Variants in NAA16 observed in about 807,000 individuals in gnomAD.
NAA16 encodes N-alpha-acetyltransferase 16, NatA auxiliary subunit, also known as NARG1-like protein.
Under a neutral mutation model 110.3 loss-of-function variants are expected in NAA16, and 97 were observed. That is an observed-to-expected ratio of 0.88 (90% CI 0.75 to 1.04). The LOEUF (loss-of-function observed/expected upper bound fraction) is 1.04. Among genes scored for constraint, NAA16 ranks in the 50% least tolerant of loss-of-function variants. The pLI is 0.00. For synonymous variants in NAA16, 372 were observed against 330.6 expected (o/e 1.13, Z -1.36); for missense variants, 1,017 against 1,005.1 (o/e 1.01, Z -0.16).
chr13:41,320,215 T>C (rs1355336562), intron 3 of NAA16, among the ~76,000 whole-genome samples: 1 of 152,198 alleles, frequency 6.6e-6, no homozygotes, highest in Non-Finnish European at 1.5e-5. Flanking sequence ...TACTTTAGAA[T>C]TGGTTGACTA....
chr13:41,331,492 AAC>A (rs2042237103), intron 8 of NAA16, 123 bp downstream of exon 8: 1 of 601,438 alleles, frequency 1.7e-6, no homozygotes, highest in Admixed American at 3.0e-5. Context: ...GTTGGGAGTG[AAC>A]AGTTATGAGT....
intron 9 of NAA16, among the ~76,000 whole-genome samples, chr13:41,340,747 G>T (rs1158317704): frequency 7.4e-6 from 1 of 135,390 alleles, no homozygotes; most frequent in Non-Finnish European, 1.5e-5. Context: ...TGCGATCTCG[G>T]CTCACTGCAA....
chr13:41,329,458 A>G (rs1265031475), intron 7 of NAA16, among the ~76,000 whole-genome samples: 1 of 151,624 alleles, frequency 6.6e-6, no homozygotes, highest in East Asian at 1.9e-4. Flanking sequence ...GAATAAATAT[A>G]TTCCTGAAAT....
intron 9 of NAA16, among the ~76,000 whole-genome samples, chr13:41,352,127 C>T (rs9525477): frequency 0.62 from 94,129 of 151,982 alleles, 32,256 homozygotes; most frequent in South Asian, 0.76. Flanking sequence ...AGATCGCTTG[C>T]GCTCAGGAGT....
intron 10 of NAA16, 81 bp downstream of exon 10, chr13:41,355,297 G>A (rs1566286045): frequency 9.5e-6 from 8 of 839,730 alleles, no homozygotes; most frequent in Non-Finnish European, 1.5e-5. Context: ...TGTATATTAT[G>A]TGTGTGCTAC....
Position 41,320,689 on chromosome 13 carries a change from G to A in NAA16, c.267G>A (p.Leu89=). Reference sequence around the variant, plus strand: ...TAGGTTGGCATGTATATGGACTCTTGCAGCGTTCTGATAAAAAATATGATG... The same window carrying A: ...TAGGTTGGCATGTATATGGACTCTTACAGCGTTCTGATAAAAAATATGATG... The part of the protein sequence containing the change: ...SHVCWHVYGL[L]QRSDKKYDEA... The change falls in exon 4 of 20, where the codon TTG becomes TTA. Residue 89 remains leucine, a synonymous_variant. Transcript: ENST00000379406. 1 of 1,611,258 alleles carries A rather than the reference G, an allele frequency of 6.2e-7. No individual in the cohort carries two copies. Among genetic ancestry groups the A allele is most frequent in the Non-Finnish European group, 8.5e-7 (1 of 1,179,420 alleles).
At chr13:41,323,626 AC>A (rs1165316156) in intron 5 of NAA16, among the ~76,000 whole-genome samples, 4 of 151,532 alleles carry the variant, frequency 2.6e-5, no homozygotes, top group Admixed American at 6.6e-5. Flanking sequence ...TGCTGGGATT[AC>A]AGGCGTGAGC....
rs2043434776 is a variant in NAA16 at position 41,376,868 on chromosome 13, CTTTA to C, written c.*1269_*1272del. The C allele has an allele frequency of 6.6e-6, 1 of 151,970 alleles. No homozygotes were observed. The highest frequency in any genetic ancestry group is 1.5e-5 in the Non-Finnish European group (1 of 68,006). The allele number at this position is 151,970 out of a possible 1,614,324, so 9.4% of individuals were successfully genotyped here. A position where few individuals can be genotyped will look rare whatever the true frequency, so the allele number is the denominator to read the frequency against. On this transcript the variant is annotated 3_prime_UTR_variant, in exon 20 of 20. Transcript: ENST00000379406. ...ATATGTCTGTAATATTAATGCTTCCCTTTATTAAGACAAATATACATTCAAAAAG... is the reference window on the plus strand; with the variant it reads ...ATATGTCTGTAATATTAATGCTTCCCTTAAGACAAATATACATTCAAAAAG...
chr13:41,347,596 T>C (rs2042720521), intron 9 of NAA16, among the ~76,000 whole-genome samples: 1 of 152,166 alleles, frequency 6.6e-6, no homozygotes, highest in Admixed American at 6.5e-5. Flanking sequence ...TGCCATTCTT[T>C]TTGATGGTAG....
intron 9 of NAA16, among the ~76,000 whole-genome samples, chr13:41,342,074 C>T (rs529858899): frequency 6.0e-5 from 9 of 151,242 alleles, no homozygotes; most frequent in South Asian, 2.1e-4. Context: ...CCTCGTGATC[C>T]GCCCGCCTCG....
chr13:41,339,546 T>G (rs1210007075), intron 9 of NAA16, among the ~76,000 whole-genome samples: 1 of 152,090 alleles, frequency 6.6e-6, no homozygotes, highest in Non-Finnish European at 1.5e-5. Context: ...ATAACTTTTT[T>G]TTGTTTGTTT....
At chr13:41,322,646 T>G (rs2041976387) in intron 4 of NAA16, among the ~76,000 whole-genome samples, 1 of 152,182 alleles carries the variant, frequency 6.6e-6, no homozygotes, top group Non-Finnish European at 1.5e-5. Context: ...GCTGTGTCTG[T>G]CCTGTGTCTG....
chr13:41,340,728 G>A (rs1381109346), intron 9 of NAA16, among the ~76,000 whole-genome samples: 1 of 121,026 alleles, frequency 8.3e-6, no homozygotes, highest in Non-Finnish European at 1.6e-5. Context: ...CCAGGCTGGA[G>A]TGCAGTGGTG....
intron 9 of NAA16, among the ~76,000 whole-genome samples, chr13:41,342,933 G>T (rs1178331103): frequency 1.3e-5 from 2 of 152,118 alleles, no homozygotes; most frequent in Non-Finnish European, 2.9e-5. Flanking sequence ...GAGTAACTTG[G>T]CACAAAAGTT....
intron 9 of NAA16, among the ~76,000 whole-genome samples, chr13:41,353,707 C>A (rs2042902201): frequency 6.6e-6 from 1 of 151,702 alleles, no homozygotes; most frequent in African/African-American, 2.4e-5. Flanking sequence ...TTCAAGGCTA[C>A]AGTGAGCGAC....
chr13:41,358,065 T>C (rs2043032098), intron 10 of NAA16, among the ~76,000 whole-genome samples: 1 of 152,216 alleles, frequency 6.6e-6, no homozygotes. Flanking sequence ...CCCAGCATTG[T>C]TTCTTTGGAG....
rs1253023268 is a variant in NAA16 at position 41,322,221 on chromosome 13, A to G, written c.403-835A>G. Among the ~76,000 whole-genome samples the G allele has an allele frequency of 2.7e-5, 4 of 150,034 alleles. 1 individual carries two copies. In the East Asian group the frequency reaches 8.2e-4, roughly 31 times the overall value. ...ACATAGGGAGACTCTGTCTCTAAAGAAAAAAAGGAGAGCTGGTGGTGAAAG... is the reference window on the plus strand; with the variant it reads ...ACATAGGGAGACTCTGTCTCTAAAGGAAAAAAGGAGAGCTGGTGGTGAAAG... On this transcript the variant is annotated intron_variant, in intron 4 of 19. Transcript: ENST00000379406.
At chr13:41,357,498 A>AT (rs2043016782) in intron 10 of NAA16, among the ~76,000 whole-genome samples, 1 of 152,138 alleles carries the variant, frequency 6.6e-6, no homozygotes, top group African/African-American at 2.4e-5. Context: ...CATTGCCTTT[A>AT]TTTTATTATT....
At chr13:41,373,348 C>A (rs2043360516) in intron 17 of NAA16, 1 of 352,318 alleles carries the variant, frequency 2.8e-6, no homozygotes, top group African/African-American at 2.2e-5. Flanking sequence ...ACCTCCACCT[C>A]CCGGGTTCAA....
Sources: allele counts gnomAD v4.1 joint callset (sites outside exome capture counted in the v4.1 genomes callset), GRCh38; gene constraint gnomAD v4.1.1; transcripts MANE v1.5; gene names NCBI Gene and HGNC (gene_info 2026-07-23, HGNC 2026-07-21).